The following COL24A1 variants were observed in gnomAD, a reference collection of about 807,000 sequenced individuals.
COL24A1 encodes the protein collagen type XXIV alpha 1 chain.
In COL24A1, 224 loss-of-function variants were observed where a neutral mutation model predicts 253.9. The ratio of observed to expected loss-of-function variants is 0.88; its 90% CI spans 0.79 to 0.99. The LOEUF (loss-of-function observed/expected upper bound fraction) is 0.99. Ranked by LOEUF, COL24A1 falls within the 50% of genes least tolerant of loss-of-function variation. The pLI is 0.00. For missense variants in COL24A1, 2,131 were observed against 2,068.5 expected, an observed-to-expected ratio of 1.03 and a Z score of -0.59; for synonymous variants, 685 against 673.7, an observed-to-expected ratio of 1.02 and a Z score of -0.26.
At chr1:86,002,233 C>T (rs767001592) in intron 19 of COL24A1, among the ~76,000 whole-genome samples, 1 of 152,128 alleles carries the variant, frequency 6.6e-6, no homozygotes, top group Non-Finnish European at 1.5e-5. Context: ...ATTAGTGCCA[C>T]CATTAAAAAC....
In COL24A1 at chr1:85,841,252, GAC is replaced by G. The variant is rs777739066; in HGVS notation, c.3595_3596del (p.Val1199ProfsTer9). ...CACCTCGAGGCCCAGGTGGTCCTAG[GAC>G]TGTGCTATCTTCTCCTGGGTAGCCC... ...EKGYPGEDST[V>X]LGPPGPRGEP... On this transcript the variant is annotated frameshift_variant, in exon 42 of 60. Coordinates refer to ENST00000370571, the MANE Select transcript of COL24A1 (RefSeq NM_152890.7). LOFTEE classifies it high-confidence loss of function. 4 of 1,603,484 alleles carry G rather than the reference GAC, an allele frequency of 2.5e-6. No individual in the cohort carries two copies. In the Admixed American group the frequency reaches 6.9e-5, roughly 28 times the overall value.
chr1:85,887,069 G>A (rs1682594480), intron 32 of COL24A1, among the ~76,000 whole-genome samples: 1 of 152,078 alleles, frequency 6.6e-6, no homozygotes, highest in Admixed American at 6.6e-5. Flanking sequence ...GAGGTAAGTG[G>A]AAATGACTTC....
At chr1:86,046,787 G>T in intron 12 of COL24A1, 38 bp downstream of exon 12, 3 of 1,608,350 alleles carry the variant, frequency 1.9e-6, no homozygotes, top group South Asian at 2.2e-5. Flanking sequence ...AGGTTATATT[G>T]CTGTAAAATA....
intron 47 of COL24A1, among the ~76,000 whole-genome samples, chr1:85,792,453 C>G (rs1262495419): frequency 6.7e-6 from 1 of 148,334 alleles, no homozygotes; most frequent in Non-Finnish European, 1.5e-5. Flanking sequence ...TTGGTAGAGG[C>G]TAAGGTGGGA....
At position 85,909,992 on chromosome 1, in the gene COL24A1, T is replaced by C; in HGVS notation, c.2628A>G (p.Gly876=). The C allele has an allele frequency of 6.2e-7, 1 of 1,610,056 alleles. No homozygotes were observed. The highest frequency in any genetic ancestry group is 1.1e-5 in the South Asian group (1 of 90,958). The part of the protein sequence containing the change: ...TGSIGEKGER[G]SPGPLGPQGE... The stretch of plus-strand genomic sequence containing the variant: ...CCTGCGGACCTAGTGGGCCTGGACT[T>C]CCACGTTCTCCCTTTTAAGAGAACA... Residue 876 remains glycine (G), a synonymous_variant, in exon 26 of 60, where the codon GGA becomes GGG. Coordinates refer to ENST00000370571, the MANE Select transcript of COL24A1 (RefSeq NM_152890.7).
chr1:85,736,970 G>A (rs1042044491), intron 58 of COL24A1, among the ~76,000 whole-genome samples: 1 of 152,020 alleles, frequency 6.6e-6, no homozygotes, highest in Non-Finnish European at 1.5e-5. Context: ...GTTATTATGT[G>A]CCCAATAACC....
chr1:86,130,665 C>A (rs1649025585), intron 2 of COL24A1, among the ~76,000 whole-genome samples: 2 of 151,672 alleles, frequency 1.3e-5, no homozygotes, highest in Admixed American at 1.3e-4. Context: ...TCTTTTCATT[C>A]TTAAATATCC....
At chr1:85,872,506 C>T (rs1680640793) in intron 35 of COL24A1, among the ~76,000 whole-genome samples, 1 of 152,070 alleles carries the variant, frequency 6.6e-6, no homozygotes, top group Non-Finnish European at 1.5e-5. Context: ...ACCAATGGAA[C>T]AGAACAGAGC....
chr1:85,997,133 T>C (rs66724882), intron 19 of COL24A1, among the ~76,000 whole-genome samples: 52,159 of 141,452 alleles, frequency 0.37, 10,251 homozygotes, highest in East Asian at 0.58. Flanking sequence ...AAATAATGCA[T>C]CTTACCCTGA....
intron 2 of COL24A1, among the ~76,000 whole-genome samples, chr1:86,141,066 AG>A (rs1223547564): frequency 6.6e-6 from 1 of 152,206 alleles, no homozygotes; most frequent in Admixed American, 6.5e-5. Flanking sequence ...TTAGAACTAC[AG>A]GGAAAAAGTT....
rs368024290 is a variant in COL24A1, at chr1:85,782,015, G to T, written c.4285-742C>A. Among the ~76,000 whole-genome samples the T allele has an allele frequency of 3.3e-5, 5 of 152,282 alleles. No individual in the cohort carries two copies. The South Asian group carries it at 8.3e-4, about 25-fold the overall frequency. ...GAAAATAACTAATATATTTATAGCT[G>T]AAGAAATATTCAGAAAGGTCTTTAA... On this transcript the variant is annotated intron_variant, in intron 51 of 59. Transcript: ENST00000370571.
chr1:86,045,874 T>C (rs530061263), intron 12 of COL24A1: 56 of 442,300 alleles, frequency 1.3e-4, no homozygotes, highest in East Asian at 6.4e-4. Flanking sequence ...TTCATGCCTC[T>C]TCTAAGCACT....
intron 55 of COL24A1, among the ~76,000 whole-genome samples, chr1:85,759,277 G>T (rs565748382): frequency 2.6e-4 from 39 of 152,210 alleles, no homozygotes; most frequent in African/African-American, 9.1e-4. Flanking sequence ...TAAATGGAAG[G>T]AGAATTTAAA....
At chr1:86,077,795 A>G (rs576976935) in intron 7 of COL24A1, among the ~76,000 whole-genome samples, 81 of 152,072 alleles carry the variant, frequency 5.3e-4, no homozygotes, top group Middle Eastern at 6.8e-3. Context: ...CAATGAGAAC[A>G]CATGGACACA....
At chr1:85,830,243 G>GGGGTCA (rs1328676881) in intron 43 of COL24A1, among the ~76,000 whole-genome samples, 1 of 152,110 alleles carries the variant, frequency 6.6e-6, no homozygotes, top group Non-Finnish European at 1.5e-5. Context: ...TCGGGGGTCA[G>GGGGTCA]GGGTCAGGGA....
At chr1:85,863,635 T>G (rs1438295542) in intron 37 of COL24A1, among the ~76,000 whole-genome samples, 1 of 151,632 alleles carries the variant, frequency 6.6e-6, no homozygotes, top group Non-Finnish European at 1.5e-5. Flanking sequence ...TGGGAGAAAA[T>G]TTTTGCAATC....
chr1:86,147,601 A>G (rs1652072505), intron 1 of COL24A1, among the ~76,000 whole-genome samples: 1 of 152,364 alleles, frequency 6.6e-6, no homozygotes, highest in Admixed American at 6.5e-5. Context: ...CACCTGAGGA[A>G]CTTGTAAAAA....
chr1:86,144,602 A>T (rs1651619260), intron 2 of COL24A1, among the ~76,000 whole-genome samples: 1 of 152,130 alleles, frequency 6.6e-6, no homozygotes, highest in African/African-American at 2.4e-5. Context: ...GATGATACAA[A>T]ATATACATTT....
intron 31 of COL24A1, 152 bp from the exon 32 acceptor site, chr1:85,889,765 A>T: frequency 1.5e-6 from 1 of 685,528 alleles, no homozygotes. Flanking sequence ...TAAGATACAC[A>T]CAACATAAAA....
Sources: gnomAD v4.1 joint callset for allele counts (sites outside exome capture counted in the v4.1 genomes callset) on GRCh38, gnomAD v4.1.1 for gene constraint, MANE v1.5 for transcripts, NCBI Gene and HGNC (gene_info 2026-07-23, HGNC 2026-07-21) for gene names.